Variants in ANXA2 observed in about 807,000 individuals in gnomAD.
ANXA2 encodes annexin A2.
In ANXA2, 28 loss-of-function variants were observed where a neutral mutation model predicts 47.3. The observed-to-expected ratio is 0.59, with a 90% CI of 0.44 to 0.81. The LOEUF is 0.81. ANXA2 is among the 40% of genes least tolerant of loss of function. The pLI, the probability that ANXA2 is intolerant of heterozygous loss-of-function variation, is 0.00. For synonymous variants in ANXA2, 172 were observed against 155.5 expected, an observed-to-expected ratio of 1.11 and a Z score of -0.79; for missense variants, 384 against 414.3, an observed-to-expected ratio of 0.93 and a Z score of 0.64.
At chr15:60,364,375 T>A in intron 4 of ANXA2, 54 bp downstream of exon 4, 2 of 1,445,458 alleles carry the variant, frequency 1.4e-6, no homozygotes, top group South Asian at 2.4e-5. Flanking sequence ...AAGCAATGTC[T>A]GAGGAAACAA....
intron 3 of ANXA2, among the ~76,000 whole-genome samples, chr15:60,368,337 A>G (rs2035068331): frequency 6.6e-6 from 1 of 151,096 alleles, no homozygotes; most frequent in African/African-American, 2.4e-5. Context: ...AAAATAAAAT[A>G]AAATAAAAAT....
In ANXA2 at chr15:60,392,981, G is replaced by A. The variant is rs987953897; in HGVS notation, c.-12+4962C>T. ...AAAAAAAATGTACTGGGTGAGGAGA[G>A]GGGTTCCCACTGTACTCCATCCTCC... On this transcript the variant is annotated intron_variant, in intron 1 of 12. Coordinates refer to ENST00000451270, the MANE Select transcript of ANXA2 (RefSeq NM_004039.3). 11 of 1,219,270 alleles carry A rather than the reference G, an allele frequency of 9.0e-6. No individual in the cohort carries two copies. In the African/African-American group the frequency reaches 1.3e-4, roughly 14 times the overall value. The allele number at this position is 1,219,270 out of a possible 1,614,324, so 75.5% of individuals were successfully genotyped here.
chr15:60,369,301 T>G (rs1388760656), intron 3 of ANXA2, among the ~76,000 whole-genome samples: 1 of 152,254 alleles, frequency 6.6e-6, no homozygotes, highest in African/African-American at 2.4e-5. Context: ...CTTGCTCGTT[T>G]GCTCCCTTGC....
intron 2 of ANXA2, among the ~76,000 whole-genome samples, chr15:60,385,403 T>G (rs1296947608): frequency 6.6e-6 from 1 of 151,974 alleles, no homozygotes; most frequent in Non-Finnish European, 1.5e-5. Flanking sequence ...CAGTCTCAAC[T>G]AAAAATACAA....
intron 2 of ANXA2, chr15:60,384,413 T>C (rs2062905881): frequency 6.6e-6 from 1 of 152,238 alleles, no homozygotes; most frequent in Non-Finnish European, 1.5e-5. Flanking sequence ...TAAAATCCAC[T>C]TGTCTGAAAT....
chr15:60,369,013 G>C (rs2062677543), intron 3 of ANXA2, among the ~76,000 whole-genome samples: 1 of 152,162 alleles, frequency 6.6e-6, no homozygotes, highest in East Asian at 1.9e-4. Flanking sequence ...AGGCTCTAAA[G>C]CTCAGAGGGA....
At chr15:60,377,396 C>A (rs764063010) in intron 3 of ANXA2, among the ~76,000 whole-genome samples, 3 of 152,010 alleles carry the variant, frequency 2.0e-5, no homozygotes, top group African/African-American at 7.2e-5. Flanking sequence ...TACAGAAATA[C>A]AGAATATACT....
chr15:60,387,723 G>A (rs953772484), intron 1 of ANXA2, among the ~76,000 whole-genome samples: 7 of 152,118 alleles, frequency 4.6e-5, no homozygotes, highest in African/African-American at 9.7e-5. Flanking sequence ...TAATGTAAAC[G>A]ATGGACTTTG....
intron 1 of ANXA2, among the ~76,000 whole-genome samples, chr15:60,394,163 G>A (rs1309659511): frequency 2.0e-5 from 3 of 152,186 alleles, no homozygotes; most frequent in Non-Finnish European, 2.9e-5. Flanking sequence ...ACATGGGAAC[G>A]TAACCTACAA....
chr15:60,364,635 A>G (rs984561890), intron 3 of ANXA2, 112 bp from the exon 4 acceptor site: 17 of 705,654 alleles, frequency 2.4e-5, no homozygotes, highest in Non-Finnish European at 3.7e-5. Flanking sequence ...TGTTTTCCAA[A>G]CTGAAATACC....
intron 3 of ANXA2, among the ~76,000 whole-genome samples, chr15:60,370,019 G>T (rs2062691371): frequency 6.6e-6 from 1 of 152,182 alleles, no homozygotes; most frequent in Non-Finnish European, 1.5e-5. Context: ...AGCACTGATA[G>T]AATTTAATCC....
chr15:60,382,002 G>T (rs992104374), intron 3 of ANXA2, among the ~76,000 whole-genome samples: 2 of 144,418 alleles, frequency 1.4e-5, no homozygotes, highest in Non-Finnish European at 3.0e-5. Flanking sequence ...GAAGAAACGG[G>T]GGGTGGGGGA....
rs2062370296 is a variant in ANXA2 at position 60,352,872 on chromosome 15, G to A, written c.589-396C>T. On this transcript the variant is annotated intron_variant, in intron 8 of 12. Transcript: ENST00000451270. The surrounding 1 kb of genome is among the most constrained non-coding windows in gnomAD (Gnocchi z 4.2). ...TGTTTACTGGACAGCTACAGACCAG[G>A]CTCTCATTCTCAAGCTTCTCAGAGA... Among the ~76,000 whole-genome samples, 1 of 152,172 alleles carries A rather than the reference G, an allele frequency of 6.6e-6. No individual in the cohort carries two copies. Among genetic ancestry groups the A allele is most frequent in the Non-Finnish European group, 1.5e-5 (1 of 68,022 alleles).
chr15:60,363,587 TAAA>T (rs2140838236), intron 4 of ANXA2, among the ~76,000 whole-genome samples: 2 of 152,290 alleles, frequency 1.3e-5, no homozygotes, highest in African/African-American at 4.8e-5. Flanking sequence ...AGCACGTCCT[TAAA>T]AATAAAATTT....
chr15:60,347,575 T>C lies in ANXA2; in HGVS notation c.*55A>G. ...TATTCGCAAGCTGGTTTTCTAGACC[T>C]GTTAGCTGGAAGCATGGTGAGCACC... On this transcript the variant is annotated 3_prime_UTR_variant, in exon 13 of 13. Transcript: ENST00000451270. The C allele has an allele frequency of 1.9e-6, 3 of 1,577,556 alleles. No homozygotes were observed. The highest frequency in any genetic ancestry group is 2.6e-6 in the Non-Finnish European group (3 of 1,147,172).
rs2062358010 is a variant in ANXA2 at position 60,352,080 on chromosome 15, T to C, written c.683-261A>G. On this transcript the variant is annotated intron_variant, in intron 9 of 12. Coordinates refer to ENST00000451270, the MANE Select transcript of ANXA2 (RefSeq NM_004039.3). The surrounding 1 kb of genome is among the most constrained non-coding windows in gnomAD (Gnocchi z 4.2). The stretch of plus-strand genomic sequence containing the variant: ...TCTCCCCTGAGTGGAACCCATTCCA[T>C]CCGAAAACCATAGGAAACAGTACAG... Among the ~76,000 whole-genome samples, 1 of 152,074 alleles carries C rather than the reference T, an allele frequency of 6.6e-6. No individual in the cohort carries two copies. Among genetic ancestry groups the C allele is most frequent in the Non-Finnish European group, 1.5e-5 (1 of 68,020 alleles).
At chr15:60,366,788 G>C (rs1402979236) in intron 3 of ANXA2, among the ~76,000 whole-genome samples, 1 of 58,054 alleles carries the variant, frequency 1.7e-5, no homozygotes, top group Non-Finnish European at 3.5e-5. Flanking sequence ...CAGCCGCCCC[G>C]TCCGGGAGGG....
chr15:60,364,406 T>A (rs2062561662), intron 4 of ANXA2, 23 bp downstream of exon 4: 2 of 1,588,334 alleles, frequency 1.3e-6, no homozygotes, highest in South Asian at 1.1e-5. Flanking sequence ...AGAAATGCCC[T>A]CCATCCCTGG....
At chr15:60,353,858 C>A (rs577803414) in intron 8 of ANXA2, among the ~76,000 whole-genome samples, 2 of 152,272 alleles carry the variant, frequency 1.3e-5, no homozygotes, top group East Asian at 3.9e-4. Context: ...GGTCTCCTAC[C>A]AACAGTCATG....
Sources: allele counts gnomAD v4.1 joint callset (sites outside exome capture counted in the v4.1 genomes callset), GRCh38; gene constraint gnomAD v4.1.1; non-coding constraint Gnocchi (gnomAD v3.1); transcripts MANE v1.5; gene names NCBI Gene and HGNC (gene_info 2026-07-23, HGNC 2026-07-21).